Variants in ADRA1A observed in about 807,000 individuals in gnomAD.
The protein encoded by ADRA1A is alpha-1A adrenergic receptor.
Under a neutral mutation model 29.6 loss-of-function variants are expected in ADRA1A, and 31 were observed. The observed-to-expected ratio is 1.05, with a 90% CI of 0.79 to 1.41. The LOEUF (loss-of-function observed/expected upper bound fraction) is 1.41. Ranked by LOEUF, ADRA1A falls within the 40% of genes most tolerant of loss-of-function variation. ADRA1A has a pLI of 0.00. For synonymous variants in ADRA1A, 311 were observed against 254.3 expected, an observed-to-expected ratio of 1.22 and a Z score of -2.12; for missense variants, 619 against 601.1, an observed-to-expected ratio of 1.03 and a Z score of -0.31.
intron 2 of ADRA1A, among the ~76,000 whole-genome samples, chr8:26,771,258 A>AG (rs986808341): frequency 4.2e-4 from 64 of 152,292 alleles, no homozygotes; most frequent in African/African-American, 1.5e-3. Flanking sequence ...TGTCACCGTT[A>AG]GCTCCCTTTG....
In ADRA1A at chr8:26,831,138, C is replaced by A. The variant is rs1446890915; in HGVS notation, c.883+32949G>T. Among the ~76,000 whole-genome samples, 2 of 152,130 alleles carry A rather than the reference C, an allele frequency of 1.3e-5. No homozygotes were observed. Among genetic ancestry groups the A allele is most frequent in the South Asian group, 2.1e-4 (1 of 4,826 alleles). ...TAACCTAATCACATATCCTTGGCAG[C>A]AAAGGCAAGATCCCCTGCTGACTTG... On this transcript the variant is annotated intron_variant, in intron 2 of 2. Coordinates refer to ENST00000380573, the MANE Select transcript of ADRA1A (RefSeq NM_000680.4). This position sits in a 1 kb window ranked among gnomAD's most constrained non-coding sequence, Gnocchi z 5.2.
In ADRA1A at chr8:26,865,434, A is replaced by C; in HGVS notation, c.-465T>G. On this transcript the variant is annotated 5_prime_UTR_variant, in exon 2 of 3. Transcript: ENST00000380573. The surrounding 1 kb of genome is among the most constrained non-coding windows in gnomAD (Gnocchi z 7.6). Reference sequence around the variant, plus strand: ...ACTCCAGCGCCAGTCTCTCCCTCAAACCAAAAGATCAGCCGTCGACGCTCA... The same window carrying C: ...ACTCCAGCGCCAGTCTCTCCCTCAACCCAAAAGATCAGCCGTCGACGCTCA... 1 of 1,000,858 alleles carries C rather than the reference A, an allele frequency of 1.0e-6. No individual in the cohort carries two copies. The highest frequency in any genetic ancestry group is 1.2e-6 in the Non-Finnish European group (1 of 839,214). 62.0% of individuals were successfully genotyped at this position (1,000,858 alleles called of 1,614,324 possible). A position where few individuals can be genotyped will look rare whatever the true frequency, so the allele number is the denominator to read the frequency against.
At position 26,865,078 on chromosome 8, in the gene ADRA1A, C is replaced by T; in HGVS notation, c.-109G>A. ...ATCAAAAGGTCTCGGCTGGAGGGAG[C>T]CCTGCCAGGTGGGTTTGGCTGGGGG... is the stretch of plus-strand genomic sequence containing the variant. On this transcript the variant is annotated 5_prime_UTR_variant, in exon 2 of 3. Coordinates refer to ENST00000380573, the MANE Select transcript of ADRA1A (RefSeq NM_000680.4). This position sits in a 1 kb window ranked among gnomAD's most constrained non-coding sequence, Gnocchi z 7.6. 1 of 1,503,062 alleles carries T rather than the reference C, an allele frequency of 6.7e-7. No individual in the cohort carries two copies. Among genetic ancestry groups the T allele is most frequent in the Non-Finnish European group, 8.8e-7 (1 of 1,136,706 alleles). 93.1% of individuals were successfully genotyped at this position (1,503,062 alleles called of 1,614,324 possible).
chr8:26,839,509 T>A (rs1224500323), intron 2 of ADRA1A, among the ~76,000 whole-genome samples: 1 of 152,188 alleles, frequency 6.6e-6, no homozygotes, highest in Non-Finnish European at 1.5e-5. Context: ...CAGCCTCCTC[T>A]GACTGTACCT....
At chr8:26,795,347 A>G (rs1168815884) in intron 2 of ADRA1A, among the ~76,000 whole-genome samples, 1 of 152,192 alleles carries the variant, frequency 6.6e-6, no homozygotes, top group African/African-American at 2.4e-5. Context: ...ATGAGTTTCA[A>G]TTAGTAAAAT....
Position 26,796,903 on chromosome 8 carries a change from G to A in ADRA1A, c.884-26237C>T, listed in dbSNP as rs952843156. The stretch of plus-strand genomic sequence containing the variant: ...TTGGAGAGGTTTATTCCCTCACTGC[G>A]CAAATTTTTATAGAGATGAGACTGG... On this transcript the variant is annotated intron_variant, in intron 2 of 2. Transcript: ENST00000380573. The surrounding 1 kb of genome is among the most constrained non-coding windows in gnomAD (Gnocchi z 5.0). 2.0e-5 allele frequency among the ~76,000 whole-genome samples: 3 copies of A among 152,170 alleles called. No individual in the cohort carries two copies. The highest frequency in any genetic ancestry group is 2.1e-4 in the South Asian group (1 of 4,818).
rs557376980 is a variant in ADRA1A at position 26,806,854 on chromosome 8, G to T, written c.884-36188C>A. On this transcript the variant is annotated intron_variant, in intron 2 of 2. Coordinates refer to ENST00000380573, the MANE Select transcript of ADRA1A (RefSeq NM_000680.4). This position sits in a 1 kb window ranked among gnomAD's most constrained non-coding sequence, Gnocchi z 4.6. ...TCAGCTTCCCAGAGTGGGTGGGGAGGGGGCTGGCATCTGTGATAATGAGAG... is the reference window on the plus strand; with the variant it reads ...TCAGCTTCCCAGAGTGGGTGGGGAGTGGGCTGGCATCTGTGATAATGAGAG... Among the ~76,000 whole-genome samples, 28 of 152,118 alleles carry T rather than the reference G, an allele frequency of 1.8e-4. No homozygotes were observed. Among genetic ancestry groups the T allele is most frequent in the Non-Finnish European group, 3.2e-4 (22 of 68,026 alleles).
chr8:26,761,725 G>A (rs969958109), downstream of ADRA1A, among the ~76,000 whole-genome samples: 1 of 152,182 alleles, frequency 6.6e-6, no homozygotes, highest in African/African-American at 2.4e-5. Flanking sequence ...CACTAATATG[G>A]CAGGGCTACA....
chr8:26,832,749 C>T (rs1295435082), intron 2 of ADRA1A, among the ~76,000 whole-genome samples: 1 of 152,176 alleles, frequency 6.6e-6, no homozygotes, highest in Non-Finnish European at 1.5e-5. Flanking sequence ...AGGATGTGCC[C>T]TCCTTGTCAC....
chr8:26,824,537 A>G (rs756807973), intron 2 of ADRA1A, among the ~76,000 whole-genome samples: 1 of 152,150 alleles, frequency 6.6e-6, no homozygotes, highest in Non-Finnish European at 1.5e-5. Context: ...GAGAAAATTG[A>G]TGAGTTTGGG....
intron 2 of ADRA1A, among the ~76,000 whole-genome samples, chr8:26,790,221 G>T (rs2130417424): frequency 1.3e-5 from 2 of 152,250 alleles, no homozygotes; most frequent in Admixed American, 1.3e-4. Flanking sequence ...TTTATCAAAA[G>T]ATGAATGGAT....
chr8:26,765,466 A>T (rs1416668184), downstream of ADRA1A, among the ~76,000 whole-genome samples: 3 of 152,254 alleles, frequency 2.0e-5, no homozygotes, highest in Non-Finnish European at 4.4e-5. Context: ...TTGGCACCAC[A>T]GCAGCCTGGC....
At chr8:26,838,980 C>T (rs543923704) in intron 2 of ADRA1A, among the ~76,000 whole-genome samples, 2 of 152,122 alleles carry the variant, frequency 1.3e-5, no homozygotes, top group African/African-American at 4.8e-5. Context: ...GATATTAAAC[C>T]CAGTATAATG....
downstream of ADRA1A, chr8:26,766,295 C>T (rs116618300): frequency 3.3e-3 from 2,117 of 650,646 alleles, 8 homozygotes; most frequent in African/African-American, 8.9e-3. Flanking sequence ...ATACAACACC[C>T]GATATGTGTC....
chr8:26,830,791 G>A (rs1375832089), intron 2 of ADRA1A, among the ~76,000 whole-genome samples: 1 of 152,148 alleles, frequency 6.6e-6, no homozygotes, highest in Non-Finnish European at 1.5e-5. Flanking sequence ...CTCCCTCTGG[G>A]CTTGTGTTAA....
At chr8:26,756,894 C>T in intron 2 of ADRA1A, 1 of 1,446,908 alleles carries the variant, frequency 6.9e-7, no homozygotes, top group Non-Finnish European at 9.3e-7. Flanking sequence ...ATTCTTACTC[C>T]AAACCCAATG....
intron 2 of ADRA1A, among the ~76,000 whole-genome samples, chr8:26,814,574 T>C (rs1375442784): frequency 2.0e-5 from 3 of 152,278 alleles, no homozygotes; most frequent in Non-Finnish European, 2.9e-5. Flanking sequence ...GTGATTCCTT[T>C]CATTTAGCTT....
chr8:26,758,021 C>A (rs557494411), intron 2 of ADRA1A, among the ~76,000 whole-genome samples: 1 of 152,320 alleles, frequency 6.6e-6, no homozygotes, highest in African/African-American at 2.4e-5. Flanking sequence ...TTGTTCTGGG[C>A]TGTCTACAAT....
chr8:26,849,227 G>T (rs1215281544), intron 2 of ADRA1A, among the ~76,000 whole-genome samples: 1 of 152,224 alleles, frequency 6.6e-6, no homozygotes, highest in Non-Finnish European at 1.5e-5. Flanking sequence ...GGGAAAGACG[G>T]AATGGCTCCA....
Sources: allele counts gnomAD v4.1 joint callset (sites outside exome capture counted in the v4.1 genomes callset), GRCh38; gene constraint gnomAD v4.1.1; non-coding constraint Gnocchi (gnomAD v3.1); transcripts MANE v1.5; gene names NCBI Gene and HGNC (gene_info 2026-07-23, HGNC 2026-07-21).